SUMF1: variants seen among roughly 807,000 people sequenced by gnomAD.
SUMF1 encodes the protein formylglycine-generating enzyme.
Under a neutral mutation model 47.6 loss-of-function variants are expected in SUMF1, and 48 were observed. The observed-to-expected ratio is 1.01, with a 90% CI of 0.80 to 1.28. The LOEUF is 1.28. SUMF1 is among the 50% of genes most tolerant of loss of function. The pLI is 0.00. For synonymous variants in SUMF1, 230 were observed against 192.1 expected (o/e 1.20, Z -1.63); for missense variants, 571 against 485.4 (o/e 1.18, Z -1.66).
intron 7 of SUMF1, among the ~76,000 whole-genome samples, chr3:4,378,571 T>G (rs9864595): frequency 0.19 from 29,671 of 152,168 alleles, 2,999 homozygotes; most frequent in Middle Eastern, 0.27. Context: ...AAAAGCTACG[T>G]GTCAAAATAA....
At chr3:4,423,607 G>A (rs151162223) in intron 3 of SUMF1, among the ~76,000 whole-genome samples, 156 of 152,274 alleles carry the variant, frequency 1.0e-3, no homozygotes, top group Non-Finnish European at 1.8e-3. Flanking sequence ...TATGACTGAA[G>A]ACAATTGGTA....
At chr3:4,273,699 ACGGGAGGGAGGATACGGGAGGGAGGAT>A (rs1697349507) in intron 8 of SUMF1, among the ~76,000 whole-genome samples, 1 of 107,354 alleles carries the variant, frequency 9.3e-6, no homozygotes, top group African/African-American at 4.1e-5. Context: ...GAGGGAGGAT[ACGGGAGGGAGGATACGGGAGGGAGGAT>A]ACGGGAGGGA....
intron 8 of SUMF1, among the ~76,000 whole-genome samples, chr3:4,199,063 TA>T (rs144567632): frequency 0.021 from 3,193 of 152,178 alleles, 100 homozygotes; most frequent in African/African-American, 0.073. Flanking sequence ...TGAGTTTAGG[TA>T]AATGTATGCA....
At chr3:4,260,497 T>C (rs1037506465) in intron 8 of SUMF1, among the ~76,000 whole-genome samples, 1 of 152,232 alleles carries the variant, frequency 6.6e-6, no homozygotes, top group Non-Finnish European at 1.5e-5. Flanking sequence ...ATTTGGCCTG[T>C]TGGTTACCAG....
intron 3 of SUMF1, among the ~76,000 whole-genome samples, chr3:4,444,943 A>C (rs1444934041): frequency 6.6e-6 from 1 of 152,184 alleles, no homozygotes; most frequent in Admixed American, 6.5e-5. Flanking sequence ...GCCTCACAAA[A>C]AGCAAAGCTA....
intron 8 of SUMF1, among the ~76,000 whole-genome samples, chr3:4,283,009 C>A (rs542711716): frequency 6.6e-6 from 1 of 152,304 alleles, no homozygotes; most frequent in Admixed American, 6.5e-5. Context: ...GACTGCCTCT[C>A]TTTTTCAGAC....
intron 8 of SUMF1, among the ~76,000 whole-genome samples, chr3:4,123,116 A>G (rs1693581091): frequency 6.6e-6 from 1 of 152,186 alleles, no homozygotes; most frequent in African/African-American, 2.4e-5. Flanking sequence ...AAATTCAGAT[A>G]ATTGATCACA....
intron 8 of SUMF1, among the ~76,000 whole-genome samples, chr3:4,185,814 T>C (rs1260370796): frequency 6.6e-6 from 1 of 152,208 alleles, no homozygotes; most frequent in Non-Finnish European, 1.5e-5. Context: ...ACTGGAATGA[T>C]AGATAATACT....
intron 8 of SUMF1, among the ~76,000 whole-genome samples, chr3:4,365,958 T>G (rs1457326689): frequency 1.3e-5 from 2 of 152,154 alleles, no homozygotes; most frequent in African/African-American, 2.4e-5. Flanking sequence ...AAGTATCTTA[T>G]TTCTCCTTCA....
At chr3:4,169,439 T>C (rs773350377) in intron 8 of SUMF1, among the ~76,000 whole-genome samples, 3 of 151,930 alleles carry the variant, frequency 2.0e-5, no homozygotes, top group Non-Finnish European at 4.4e-5. Flanking sequence ...AAAGGGGCCA[T>C]GTGACTGGAA....
intron 8 of SUMF1, among the ~76,000 whole-genome samples, chr3:4,295,392 C>A (rs1697829989): frequency 6.6e-6 from 1 of 151,810 alleles, no homozygotes; most frequent in Non-Finnish European, 1.5e-5. Flanking sequence ...AAATAGGACG[C>A]TTGTGGAACT....
chr3:4,219,906 G>C (rs906297348), intron 8 of SUMF1, among the ~76,000 whole-genome samples: 3 of 152,136 alleles, frequency 2.0e-5, no homozygotes, highest in African/African-American at 7.2e-5. Context: ...TTTTAAGCCA[G>C]AGACTAGAAT....
At chr3:4,343,755 A>C (rs1456962333) in intron 8 of SUMF1, among the ~76,000 whole-genome samples, 3 of 152,228 alleles carry the variant, frequency 2.0e-5, no homozygotes, top group Non-Finnish European at 4.4e-5. Context: ...AATATCCAAC[A>C]CAATTTGAAA....
intron 3 of SUMF1, among the ~76,000 whole-genome samples, chr3:4,435,894 G>A (rs944221328): frequency 3.9e-5 from 6 of 152,220 alleles, no homozygotes; most frequent in African/African-American, 1.4e-4. Context: ...AGGCTGAAGA[G>A]AAATGATACC....
At chr3:4,302,585 T>C (rs1024044111) in intron 8 of SUMF1, among the ~76,000 whole-genome samples, 2 of 152,146 alleles carry the variant, frequency 1.3e-5, no homozygotes, top group Non-Finnish European at 2.9e-5. Flanking sequence ...TAATGAGGCA[T>C]GTTGGACCCC....
At chr3:4,051,063 C>G (rs983753226) in intron 9 of SUMF1, among the ~76,000 whole-genome samples, 1 of 151,750 alleles carries the variant, frequency 6.6e-6, no homozygotes, top group African/African-American at 2.4e-5. Flanking sequence ...CCCACATATC[C>G]CTGCAATGCG....
At chr3:4,298,948 G>C (rs1302638567) in intron 8 of SUMF1, among the ~76,000 whole-genome samples, 1 of 151,996 alleles carries the variant, frequency 6.6e-6, no homozygotes, top group African/African-American at 2.4e-5. Flanking sequence ...CTTCCACCTG[G>C]AATGCCTAAA....
At chr3:4,179,839 A>G (rs2125132473) in intron 8 of SUMF1, among the ~76,000 whole-genome samples, 1 of 152,282 alleles carries the variant, frequency 6.6e-6, no homozygotes, top group Non-Finnish European at 1.5e-5. Context: ...ACTCAAACAA[A>G]TTTACAAGAA....
intron 3 of SUMF1, among the ~76,000 whole-genome samples, chr3:4,421,428 G>C (rs1271973158): frequency 6.6e-6 from 1 of 152,140 alleles, no homozygotes; most frequent in Non-Finnish European, 1.5e-5. Context: ...TCAGTCACAA[G>C]GAGAGCCACA....
Sources: gnomAD v4.1 joint callset for allele counts (sites outside exome capture counted in the v4.1 genomes callset) on GRCh38, gnomAD v4.1.1 for gene constraint, MANE v1.5 for transcripts, NCBI Gene and HGNC (gene_info 2026-07-23, HGNC 2026-07-21) for gene names.